The following NEXMIF variants were observed in gnomAD, a reference collection of about 807,000 sequenced individuals.
NEXMIF encodes XLMR protein related to neurite extension.
NEXMIF carries 8 observed loss-of-function variants against 62.1 expected under a neutral mutation model. That is an observed-to-expected ratio of 0.13 (90% CI 0.08 to 0.23). NEXMIF has a LOEUF of 0.23. Among genes scored for constraint, NEXMIF ranks in the 10% least tolerant of loss-of-function variants. The pLI, the probability that NEXMIF is intolerant of heterozygous loss-of-function variation, is 1.00. For synonymous variants in NEXMIF, 404 were observed against 416.6 expected (o/e 0.97, Z 0.37); for missense variants, 976 against 1,113.3 (o/e 0.88, Z 1.75).
At chrX:74,878,759 C>A (rs1198843600) in intron 1 of NEXMIF, among the ~76,000 whole-genome samples, 1 of 112,354 alleles carries the variant, frequency 8.9e-6, no homozygotes, top group Non-Finnish European at 1.9e-5. Flanking sequence ...TTTCCAGGTG[C>A]CGTCTGTCAC....
At chrX:74,820,153 C>G (rs755030366) in intron 1 of NEXMIF, among the ~76,000 whole-genome samples, 2 of 109,952 alleles carry the variant, frequency 1.8e-5, no homozygotes, top group South Asian at 8.0e-4. Context: ...CACTTGGACA[C>G]AGGGTGGGGA....
At chrX:74,831,281 G>A (rs1341832874) in intron 1 of NEXMIF, among the ~76,000 whole-genome samples, 1 of 109,838 alleles carries the variant, frequency 9.1e-6, no homozygotes, top group Admixed American at 9.8e-5. Context: ...CCATGTTGGT[G>A]TGCTGTACCC....
At chrX:74,905,806 T>A (rs2080766048) in intron 1 of NEXMIF, among the ~76,000 whole-genome samples, 1 of 111,124 alleles carries the variant, frequency 9.0e-6, no homozygotes, top group South Asian at 3.8e-4. Flanking sequence ...CGAGACTCCA[T>A]CTGTCTCAAA....
chrX:74,873,164 C>T (rs1242784305), intron 1 of NEXMIF, among the ~76,000 whole-genome samples: 1 of 109,935 alleles, frequency 9.1e-6, no homozygotes, highest in Non-Finnish European at 1.9e-5. Context: ...CAACAGTCCC[C>T]AGAGTGTGAT....
intron 1 of NEXMIF, among the ~76,000 whole-genome samples, chrX:74,850,289 C>T (rs1304826611): frequency 8.9e-6 from 1 of 112,120 alleles, no homozygotes; most frequent in East Asian, 2.8e-4. Context: ...CAGCACAAAC[C>T]ATTTTGGGGC....
intron 1 of NEXMIF, among the ~76,000 whole-genome samples, chrX:74,882,640 G>C (rs1434547190): frequency 8.9e-6 from 1 of 112,225 alleles, no homozygotes; most frequent in Non-Finnish European, 1.9e-5. Context: ...GGTAAACGAA[G>C]TGTCCAGGAA....
intron 1 of NEXMIF, among the ~76,000 whole-genome samples, chrX:74,914,586 TAGG>T (rs1225696879): frequency 1.8e-5 from 2 of 111,419 alleles, no homozygotes; most frequent in African/African-American, 3.3e-5. Context: ...GAGGCTGAGG[TAGG>T]AGAACTACTT....
At chrX:74,830,908 T>A (rs2080434228) in intron 1 of NEXMIF, among the ~76,000 whole-genome samples, 1 of 111,924 alleles carries the variant, frequency 8.9e-6, no homozygotes, top group South Asian at 3.8e-4. Flanking sequence ...TTTGGTATCA[T>A]CCAACTTTAC....
chrX:74,884,243 A>G (rs747869666), intron 1 of NEXMIF, among the ~76,000 whole-genome samples: 9 of 112,045 alleles, frequency 8.0e-5, no homozygotes, highest in African/African-American at 2.9e-4. Flanking sequence ...TCAACTAATG[A>G]GCAAAATAAC....
chrX:74,823,185 G>A (rs1161081736), intron 1 of NEXMIF, among the ~76,000 whole-genome samples: 1 of 111,737 alleles, frequency 8.9e-6, no homozygotes, highest in Admixed American at 9.5e-5. Flanking sequence ...TGGTTACCTA[G>A]GATCAGAAAT....
At position 74,796,133 on chromosome X, in the gene NEXMIF, AAT is replaced by A. The variant is rs1223184734; in HGVS notation, c.-47-50438_-47-50437del. 4.4e-3 allele frequency among the ~76,000 whole-genome samples: 338 copies of A among 77,210 alleles called. 2 individuals are homozygous for A. The highest frequency in any genetic ancestry group is 0.029 in the Middle Eastern group (5 of 170). 67.0% of individuals were successfully genotyped at this position (77,210 alleles called of 115,157 possible). On this transcript the variant is annotated intron_variant, in intron 1 of 3. Transcript: ENST00000055682. ...ATATATTATATATATATTTATATATAATATATATATTATATATATACATATAT... is the reference window on the plus strand; with the variant it reads ...ATATATTATATATATATTTATATATAATATATATTATATATATACATATAT...
intron 1 of NEXMIF, among the ~76,000 whole-genome samples, chrX:74,906,938 C>G (rs1013390578): frequency 1.8e-5 from 2 of 111,154 alleles, no homozygotes; most frequent in African/African-American, 6.5e-5. Context: ...TGTCTGATTT[C>G]CCCCATCATA....
chrX:74,809,035 G>A (rs1475211336), intron 1 of NEXMIF, among the ~76,000 whole-genome samples: 3 of 111,661 alleles, frequency 2.7e-5, no homozygotes, highest in Admixed American at 9.5e-5. Context: ...TATAAAAAGA[G>A]CTTGCAGGAG....
chrX:74,871,969 G>A, intron 1 of NEXMIF, among the ~76,000 whole-genome samples: 1 of 111,434 alleles, frequency 9.0e-6, no homozygotes, highest in Non-Finnish European at 1.9e-5. Context: ...AAGATAATGT[G>A]ATTAAGAGAT....
chrX:74,832,064 G>A (rs945263928), intron 1 of NEXMIF, among the ~76,000 whole-genome samples: 1 of 112,154 alleles, frequency 8.9e-6, no homozygotes, highest in Non-Finnish European at 1.9e-5. Context: ...ATATTGGCCT[G>A]TAGTTTTCTT....
intron 1 of NEXMIF, among the ~76,000 whole-genome samples, chrX:74,880,433 T>C (rs773380822): frequency 7.2e-5 from 8 of 111,829 alleles, no homozygotes; most frequent in African/African-American, 2.3e-4. Context: ...TCCAGGACTT[T>C]ACCAACACCT....
At chrX:74,865,211 A>G (rs746291521) in intron 1 of NEXMIF, among the ~76,000 whole-genome samples, 123 of 111,944 alleles carry the variant, frequency 1.1e-3, no homozygotes, top group South Asian at 5.7e-3. Flanking sequence ...GACTTGTTCA[A>G]TGGCTTTGAC....
At chrX:74,796,581 C>G (rs1268213652) in intron 1 of NEXMIF, among the ~76,000 whole-genome samples, 1 of 108,577 alleles carries the variant, frequency 9.2e-6, no homozygotes, top group African/African-American at 3.3e-5. Flanking sequence ...AGAAAATTAG[C>G]AAGTACTAAA....
chrX:74,870,201 G>A (rs1157934843), intron 1 of NEXMIF, among the ~76,000 whole-genome samples: 1 of 111,407 alleles, frequency 9.0e-6, no homozygotes, highest in African/African-American at 3.3e-5. Context: ...TGACAAAGGT[G>A]CCAAGAATAT....
Sources: allele counts gnomAD v4.1 joint callset (sites outside exome capture counted in the v4.1 genomes callset), GRCh38; gene constraint gnomAD v4.1.1; transcripts MANE v1.5; gene names NCBI Gene and HGNC (gene_info 2026-07-23, HGNC 2026-07-21).